EDAR: variants seen among roughly 807,000 people sequenced by gnomAD.
EDAR encodes the protein ectodysplasin A receptor.
EDAR carries 38 observed loss-of-function variants against 51.3 expected under a neutral mutation model. That is an observed-to-expected ratio of 0.74 (90% CI 0.57 to 0.97). The LOEUF (loss-of-function observed/expected upper bound fraction) is 0.97, where lower values mean the gene tolerates loss of function less well. Among genes scored for constraint, EDAR ranks in the 50% least tolerant of loss-of-function variants. The probability of loss-of-function intolerance (pLI) is 0.00; values close to 1 mark genes in which losing one functional copy is unlikely to be tolerated. For missense variants in EDAR, 528 were observed against 595.0 expected, an observed-to-expected ratio of 0.89 and a Z score of 1.17; for synonymous variants, 227 against 242.1, an observed-to-expected ratio of 0.94 and a Z score of 0.58.
chr2:108,919,355 TTTTA>T (rs529592119), intron 5 of EDAR, among the ~76,000 whole-genome samples: 25 of 152,184 alleles, frequency 1.6e-4, no homozygotes, highest in Non-Finnish European at 1.2e-4. Context: ...TCTGACCGCT[TTTTA>T]TTTATTTATT....
At chr2:108,939,985 G>C (rs565091294) in intron 1 of EDAR, among the ~76,000 whole-genome samples, 43 of 152,330 alleles carry the variant, frequency 2.8e-4, no homozygotes, top group Non-Finnish European at 3.2e-4. Flanking sequence ...CACAACAAAA[G>C]CAAAACAAGA....
intron 3 of EDAR, 63 bp downstream of exon 3, chr2:108,930,057 A>T: frequency 6.4e-7 from 1 of 1,559,992 alleles, no homozygotes; most frequent in Non-Finnish European, 8.7e-7. Context: ...TCAGGGCAAC[A>T]ATGCCACAAG....
chr2:108,913,810 C>T (rs924265542), intron 5 of EDAR, among the ~76,000 whole-genome samples: 18 of 151,862 alleles, frequency 1.2e-4, no homozygotes, highest in African/African-American at 2.9e-4. Context: ...ATTAGCCGGG[C>T]GTGGTGGCAG....
intron 9 of EDAR, 96 bp from the exon 10 acceptor site, chr2:108,908,115 G>A: frequency 7.4e-7 from 1 of 1,356,654 alleles, no homozygotes; most frequent in South Asian, 1.5e-5. Context: ...CCCAGCTGTG[G>A]ACAGTGGGGG....
At chr2:108,910,695 CGAG>C in intron 8 of EDAR, 78 bp downstream of exon 8, 1 of 1,523,570 alleles carries the variant, frequency 6.6e-7, no homozygotes, top group Non-Finnish European at 9.1e-7. Flanking sequence ...GCAGAAGCAG[CGAG>C]GAGGCTGCTT....
intron 1 of EDAR, among the ~76,000 whole-genome samples, chr2:108,935,717 T>C (rs983031682): frequency 2.6e-5 from 4 of 152,190 alleles, no homozygotes; most frequent in Admixed American, 1.3e-4. Context: ...CATTCATTTA[T>C]TCAACAAAGA....
intron 5 of EDAR, 42 bp downstream of exon 5, chr2:108,923,326 G>A (rs1351447224): frequency 1.3e-6 from 2 of 1,585,924 alleles, no homozygotes; most frequent in Admixed American, 1.7e-5. Flanking sequence ...AGGGATCCGT[G>A]CTGAACAAAT....
chr2:108,898,385 T>G (rs1241535230), intron 11 of EDAR, among the ~76,000 whole-genome samples: 2 of 151,970 alleles, frequency 1.3e-5, no homozygotes, highest in African/African-American at 4.8e-5. Context: ...TTAGTGAAGG[T>G]TGAGTGGGGA....
chr2:108,933,375 C>G (rs993755304), intron 1 of EDAR, among the ~76,000 whole-genome samples: 5 of 152,116 alleles, frequency 3.3e-5, no homozygotes, highest in Non-Finnish European at 7.3e-5. Flanking sequence ...AAGGAAAAAG[C>G]GTGTGTCCCT....
intron 1 of EDAR, among the ~76,000 whole-genome samples, chr2:108,977,559 C>T (rs260602): frequency 0.77 from 117,890 of 152,178 alleles, 47,200 homozygotes; most frequent in South Asian, 0.87. Flanking sequence ...CGTGAGCCAC[C>T]GAGCCTGGCC....
intron 11 of EDAR, among the ~76,000 whole-genome samples, chr2:108,900,336 A>C (rs1464393868): frequency 6.6e-6 from 1 of 152,228 alleles, no homozygotes; most frequent in Non-Finnish European, 1.5e-5. Flanking sequence ...CAGATGGATT[A>C]GCTGAGGTCA....
intron 1 of EDAR, among the ~76,000 whole-genome samples, chr2:108,951,949 C>G (rs531780834): frequency 6.6e-6 from 1 of 152,320 alleles, no homozygotes; most frequent in South Asian, 2.1e-4. Flanking sequence ...CTCTTACAGT[C>G]TAATAAGAGG....
At chr2:108,940,847 G>T (rs1697579650) in intron 1 of EDAR, among the ~76,000 whole-genome samples, 1 of 152,148 alleles carries the variant, frequency 6.6e-6, no homozygotes, top group African/African-American at 2.4e-5. Flanking sequence ...TATTCTTATT[G>T]CTCAGATGAT....
Position 108,975,246 on chromosome 2 carries a change from G to A in EDAR, c.-19+13714C>T, listed in dbSNP as rs1420416148. On this transcript the variant is annotated intron_variant, in intron 1 of 11. Transcript: ENST00000258443. ...GGATCTGAACACAGGGATAGCAGCT[G>A]CGGCCTCAGGCAGAAAGGTGCAGAG... Among the ~76,000 whole-genome samples the A allele has an allele frequency of 4.6e-5, 7 of 152,320 alleles. No homozygotes were observed. The East Asian group carries it at 7.7e-4, about 17-fold the overall frequency.
chr2:108,910,448 G>C lies in EDAR; in HGVS notation c.803+12C>G, dbSNP rs748170816. 7 of 1,610,548 alleles carry C rather than the reference G, an allele frequency of 4.3e-6. No homozygotes were observed. Among genetic ancestry groups the C allele is most frequent in the Non-Finnish European group, 5.9e-6 (7 of 1,177,304 alleles). Reference sequence around the variant, plus strand: ...CCCCAGCTTCAGCTTGGTGCTGGGGGCTTCCACATACCTCTTGGTGGGCTT... The same window carrying C: ...CCCCAGCTTCAGCTTGGTGCTGGGGCCTTCCACATACCTCTTGGTGGGCTT... On this transcript the variant is annotated intron_variant, in intron 9 of 11. Transcript: ENST00000258443.
At chr2:108,945,805 C>A (rs1253473904) in intron 1 of EDAR, among the ~76,000 whole-genome samples, 1 of 152,156 alleles carries the variant, frequency 6.6e-6, no homozygotes, top group East Asian at 1.9e-4. Flanking sequence ...ATAAGCCAGT[C>A]ATGAAAGGAC....
At chr2:108,964,108 A>G (rs1171188551) in intron 1 of EDAR, among the ~76,000 whole-genome samples, 1 of 152,186 alleles carries the variant, frequency 6.6e-6, no homozygotes, top group Non-Finnish European at 1.5e-5. Flanking sequence ...ATTTAAACAG[A>G]CACGTATGGC....
chr2:108,936,148 T>A (rs1027059034), intron 1 of EDAR, among the ~76,000 whole-genome samples: 2 of 152,258 alleles, frequency 1.3e-5, no homozygotes, highest in Non-Finnish European at 2.9e-5. Context: ...CGGTGCTACC[T>A]CTTCCAAAAG....
Position 108,972,343 on chromosome 2 carries a change from T to C in EDAR, c.-19+16617A>G, listed in dbSNP as rs11887732. ...GCTTAGGATTGAACACAGACAATGATGACCAAATCAAAACAGGGGCAGGGC... is the reference window on the plus strand; with the variant it reads ...GCTTAGGATTGAACACAGACAATGACGACCAAATCAAAACAGGGGCAGGGC... On this transcript the variant is annotated intron_variant, in intron 1 of 11. Coordinates refer to ENST00000258443, the MANE Select transcript of EDAR (RefSeq NM_022336.4). Among the ~76,000 whole-genome samples, 1,510 of 152,356 alleles carry C rather than the reference T, an allele frequency of 9.9e-3. 33 individuals carry two copies. Among genetic ancestry groups the C allele is most frequent in the African/African-American group, 0.035 (1,459 of 41,578 alleles).
Sources: allele counts gnomAD v4.1 joint callset (sites outside exome capture counted in the v4.1 genomes callset), GRCh38; gene constraint gnomAD v4.1.1; transcripts MANE v1.5; gene names NCBI Gene and HGNC (gene_info 2026-07-23, HGNC 2026-07-21).